Variants in OPA3 observed in about 807,000 individuals in gnomAD.
OPA3 encodes the protein outer mitochondrial membrane lipid metabolism regulator OPA3, also known as optic atrophy 3 protein.
Under a neutral mutation model 4.0 loss-of-function variants are expected in OPA3, and 6 were observed. The ratio of observed to expected loss-of-function variants is 1.51; its 90% CI spans 0.83 to 2.99. OPA3 has a LOEUF of 2.99. Among genes scored for constraint, OPA3 ranks in the 30% most tolerant of loss-of-function variants. The pLI is 0.00. For missense variants in OPA3, 235 were observed against 256.2 expected (o/e 0.92, Z 0.56); for synonymous variants, 105 against 117.1 (o/e 0.90, Z 0.67).
intron 1 of OPA3, among the ~76,000 whole-genome samples, chr19:45,566,400 C>T (rs1310611300): frequency 6.6e-6 from 1 of 151,218 alleles, no homozygotes; most frequent in East Asian, 2.0e-4. Flanking sequence ...TAATACCCGC[C>T]TTGGAGTCCC....
chr19:45,557,990 C>A (rs189794317), intron 1 of OPA3, among the ~76,000 whole-genome samples: 125 of 152,272 alleles, frequency 8.2e-4, no homozygotes, highest in African/African-American at 2.9e-3. Flanking sequence ...CCAGCCTCAC[C>A]CCTCTGCAAT....
chr19:45,536,098 A>G (rs1969114510), intron 1 of OPA3, among the ~76,000 whole-genome samples: 1 of 151,196 alleles, frequency 6.6e-6, no homozygotes, highest in Admixed American at 6.6e-5. Context: ...GTGTGGTGGC[A>G]TGCACCTGTA....
In OPA3 at chr19:45,582,804, C is replaced by T. The variant is rs368509267; in HGVS notation, c.142+1819G>A. Among the ~76,000 whole-genome samples, 32 of 152,188 alleles carry T rather than the reference C, an allele frequency of 2.1e-4. 1 individual carries two copies. The highest frequency in any genetic ancestry group is 7.2e-4 in the African/African-American group (30 of 41,518). On this transcript the variant is annotated intron_variant, in intron 1 of 1. Coordinates refer to ENST00000263275, the MANE Select transcript of OPA3 (RefSeq NM_025136.4). ...GTTTAGGGAGGGTCAGAATCTTGTA[C>T]CCTCCAGCTGCATGACTCCTAAACC...
chr19:45,576,897 T>G (rs1367442896), intron 1 of OPA3, among the ~76,000 whole-genome samples: 2 of 152,214 alleles, frequency 1.3e-5, no homozygotes, highest in African/African-American at 2.4e-5. Context: ...AACAGGTTCT[T>G]GGGATAAGGA....
At chr19:45,582,691 G>C (rs111721547) in intron 1 of OPA3, among the ~76,000 whole-genome samples, 7,548 of 152,114 alleles carry the variant, frequency 0.05, 610 homozygotes, top group African/African-American at 0.17. Flanking sequence ...CACAAGATCA[G>C]ATGGGCCAGT....
intron 1 of OPA3, among the ~76,000 whole-genome samples, chr19:45,536,227 CA>C (rs35744947): frequency 0.7 from 80,303 of 115,412 alleles, 26,885 homozygotes; most frequent in South Asian, 0.83. Flanking sequence ...GACTCTATCT[CA>C]AAAAAAAAAA....
At position 45,553,090 on chromosome 19, in the gene OPA3, C is replaced by A; in HGVS notation, c.*424G>T. 8.9e-7 allele frequency: 1 copy of A among 1,122,214 alleles called. No individual in the cohort carries two copies. The highest frequency in any genetic ancestry group is 1.1e-6 in the Non-Finnish European group (1 of 910,898). The allele number at this position is 1,122,214 out of a possible 1,614,324, so 69.5% of individuals were successfully genotyped here. On this transcript the variant is annotated 3_prime_UTR_variant, in exon 2 of 2. Transcript: ENST00000263275. ...CTGCATTTCCTTACAGTGGTCTGTG[C>A]CGATTGACAAAAAGAAGAAGGTGTT...
At chr19:45,578,816 G>A (rs370307366) in intron 1 of OPA3, among the ~76,000 whole-genome samples, 10 of 152,034 alleles carry the variant, frequency 6.6e-5, no homozygotes, top group African/African-American at 1.9e-4. Context: ...GTCGGAGTGC[G>A]ACTCTGTCTC....
chr19:45,528,711 G>C lies in OPA3; in HGVS notation c.*345C>G, dbSNP rs866889485. The C allele has an allele frequency of 1.5e-5, 4 of 275,768 alleles. No individual in the cohort carries two copies. In the Admixed American group the frequency reaches 1.9e-4, roughly 13 times the overall value. The allele number at this position is 275,768 out of a possible 1,614,324, so 17.1% of individuals were successfully genotyped here. On this transcript the variant is annotated 3_prime_UTR_variant, in exon 2 of 2. Coordinates refer to the OPA3 transcript ENST00000323060. The stretch of plus-strand genomic sequence containing the variant: ...AGAATTTTGTTTTGCCAAAAGAGGT[G>C]GACGTCCTGCTGGCCTACCTAGCGG...
At chr19:45,576,742 C>T (rs958033716) in intron 1 of OPA3, among the ~76,000 whole-genome samples, 39 of 152,226 alleles carry the variant, frequency 2.6e-4, no homozygotes, top group African/African-American at 9.4e-4. Context: ...CAAATCATTC[C>T]CTCTCTTGCC....
At position 45,547,013 on chromosome 19, in the gene OPA3, G is replaced by C. The variant is rs1453737701; in HGVS notation, c.*6501C>G. On this transcript the variant is annotated 3_prime_UTR_variant, in exon 2 of 2. Coordinates refer to ENST00000263275, the MANE Select transcript of OPA3 (RefSeq NM_025136.4). ...GTGGCACGTGGCTGTAGATTGAGGT[G>C]GAGGTTCTGAGATCTGCGCGCAGTG... The C allele has an allele frequency of 6.6e-6, 1 of 152,294 alleles. No individual in the cohort carries two copies. The highest frequency in any genetic ancestry group is 1.5e-5 in the Non-Finnish European group (1 of 68,152). The allele number at this position is 152,294 out of a possible 1,614,324, so 9.4% of individuals were successfully genotyped here. A position where few individuals can be genotyped will look rare whatever the true frequency, so the allele number is the denominator to read the frequency against.
At chr19:45,566,676 A>C (rs1207257435) in intron 1 of OPA3, among the ~76,000 whole-genome samples, 2 of 151,452 alleles carry the variant, frequency 1.3e-5, no homozygotes, top group African/African-American at 4.9e-5. Context: ...GGGTTTCACC[A>C]TGTTGGCCAG....
rs778472683 is a variant in OPA3, at chr19:45,584,717, G to T, written c.48C>A (p.Ile16=). The T allele has an allele frequency of 6.2e-7, 1 of 1,614,174 alleles. No homozygotes were observed. The highest frequency in any genetic ancestry group is 1.1e-5 in the South Asian group (1 of 91,086). Residue 16 remains isoleucine, a synonymous_variant, in exon 1 of 2, where the codon ATC becomes ATA. Coordinates refer to ENST00000263275, the MANE Select transcript of OPA3 (RefSeq NM_025136.4). ...FPMAKLLYLG[I]RQVSKPLANR... ...TGGCAAGCGGCTTGCTGACCTGCCG[G>T]ATGCCCAAGTATAGCAGCTTCGCCA...
chr19:45,541,258 G>A (rs1424373428), intron 1 of OPA3, among the ~76,000 whole-genome samples: 2 of 152,166 alleles, frequency 1.3e-5, no homozygotes, highest in East Asian at 3.8e-4. Context: ...CACAGGAGGT[G>A]AGGGCAGGGG....
intron 1 of OPA3, among the ~76,000 whole-genome samples, chr19:45,576,944 T>C (rs1310474850): frequency 1.3e-5 from 2 of 152,178 alleles, no homozygotes; most frequent in Non-Finnish European, 2.9e-5. Context: ...CTCTACTGCC[T>C]ACTGTGTGTG....
exon 2 of OPA3, chr19:45,529,436 G>A (rs755659368): frequency 6.2e-7 from 1 of 1,614,168 alleles, no homozygotes; most frequent in South Asian, 1.1e-5. Context: ...ATTTTGGTCC[G>A]CATCTCCAGC....
At chr19:45,567,105 C>A (rs113911924) in intron 1 of OPA3, among the ~76,000 whole-genome samples, 6,027 of 152,000 alleles carry the variant, frequency 0.04, 397 homozygotes, top group African/African-American at 0.14. Context: ...TTTGGGAGGC[C>A]AAGCGGTGAG....
At position 45,549,655 on chromosome 19, in the gene OPA3, T is replaced by C. The variant is rs551539059; in HGVS notation, c.*3859A>G. On this transcript the variant is annotated 3_prime_UTR_variant, in exon 2 of 2. Coordinates refer to ENST00000263275, the MANE Select transcript of OPA3 (RefSeq NM_025136.4). ...CCAACATGCCCGGCTAATTTTTGTA[T>C]TTTTAGTAGAGACGGGGTTTTGCCA... 2.4e-6 allele frequency: 2 copies of C among 841,060 alleles called. No individual in the cohort carries two copies. The highest frequency in any genetic ancestry group is 1.1e-4 in the South Asian group (2 of 18,476). The allele number at this position is 841,060 out of a possible 1,614,324, so 52.1% of individuals were successfully genotyped here.
At chr19:45,576,534 ATC>A (rs1491153092) in intron 1 of OPA3, among the ~76,000 whole-genome samples, 7 of 54,290 alleles carry the variant, frequency 1.3e-4, no homozygotes, top group South Asian at 6.6e-4. Context: ...ATGAAACTCC[ATC>A]CCCCCCCCCC....
Sources: allele counts gnomAD v4.1 joint callset (sites outside exome capture counted in the v4.1 genomes callset), GRCh38; gene constraint gnomAD v4.1.1; transcripts MANE v1.5; gene names NCBI Gene and HGNC (gene_info 2026-07-23, HGNC 2026-07-21).